TENM3: variants seen among roughly 807,000 people sequenced by gnomAD.
TENM3 encodes teneurin transmembrane protein 3.
A neutral mutation model predicts 255.1 loss-of-function variants in TENM3; 63 were observed. The observed-to-expected ratio is 0.25, with a 90% CI of 0.20 to 0.30. The LOEUF is 0.30. TENM3 is among the 10% of genes least tolerant of loss of function. TENM3 has a pLI of 1.00. For missense variants in TENM3, 2,929 were observed against 3,461.1 expected, an observed-to-expected ratio of 0.85 and a Z score of 3.86; for synonymous variants, 1,306 against 1,322.3, an observed-to-expected ratio of 0.99 and a Z score of 0.27.
chr4:182,602,607 T>C (rs1380229193), intron 4 of TENM3, among the ~76,000 whole-genome samples: 1 of 152,200 alleles, frequency 6.6e-6, no homozygotes, highest in African/African-American at 2.4e-5. Flanking sequence ...TTGAGTTTTA[T>C]TGTTTATTTT....
intron 8 of TENM3, 119 bp downstream of exon 8, chr4:182,679,995 A>G: frequency 1.1e-6 from 1 of 880,816 alleles, no homozygotes; most frequent in Non-Finnish European, 1.7e-6. Context: ...CCCAGGTAAA[A>G]TGTGAGAATT....
At chr4:182,089,839 G>A in the TENM3 span, among the ~76,000 whole-genome samples, 1 of 151,948 alleles carries the variant, frequency 6.6e-6, no homozygotes, top group Non-Finnish European at 1.5e-5. Context: ...CTAATTATTA[G>A]GAGATTTTAC....
At chr4:181,521,839 G>A in the TENM3 span, among the ~76,000 whole-genome samples, 2 of 152,220 alleles carry the variant, frequency 1.3e-5, no homozygotes, top group East Asian at 3.9e-4. Flanking sequence ...GCTCATGCCT[G>A]TAATCCCAGC....
the TENM3 span, among the ~76,000 whole-genome samples, chr4:181,936,404 A>C: frequency 6.6e-6 from 1 of 152,300 alleles, no homozygotes; most frequent in African/African-American, 2.4e-5. Context: ...AAAGAAAAGG[A>C]ATCAGATGTG....
the TENM3 span, among the ~76,000 whole-genome samples, chr4:181,872,340 G>T: frequency 0.2 from 31,022 of 151,470 alleles, 3,575 homozygotes; most frequent in East Asian, 0.56. Flanking sequence ...TTTATTTTAA[G>T]TTCAGGGGTA....
At chr4:181,702,993 T>A in the TENM3 span, among the ~76,000 whole-genome samples, 1 of 152,194 alleles carries the variant, frequency 6.6e-6, no homozygotes, top group African/African-American at 2.4e-5. Flanking sequence ...ACTCACTGAA[T>A]CCTTGCAACA....
chr4:182,779,711 C>A (rs1433789029), intron 24 of TENM3, among the ~76,000 whole-genome samples: 1 of 151,964 alleles, frequency 6.6e-6, no homozygotes, highest in East Asian at 1.9e-4. Flanking sequence ...CACATCCTCT[C>A]CAGCACCTGT....
At chr4:182,698,840 A>G (rs891966483) in intron 12 of TENM3, among the ~76,000 whole-genome samples, 2 of 152,238 alleles carry the variant, frequency 1.3e-5, no homozygotes, top group African/African-American at 4.8e-5. Flanking sequence ...TTTCTAGGAC[A>G]GGTGTGTTGT....
At chr4:181,617,949 CTGAAAGGTAATCTTTATTGAGTG>C in the TENM3 span, among the ~76,000 whole-genome samples, 1 of 152,182 alleles carries the variant, frequency 6.6e-6, no homozygotes, top group Admixed American at 6.5e-5. Context: ...CAGCCACAAG[CTGAAAGGTAATCTTTATTGAGTG>C]CACAGTATGG....
intron 4 of TENM3, among the ~76,000 whole-genome samples, chr4:182,626,940 C>G (rs1750873491): frequency 6.6e-6 from 1 of 151,954 alleles, no homozygotes; most frequent in South Asian, 2.1e-4. Flanking sequence ...AGAAAAAAAA[C>G]TGAGGTTCCC....
At position 182,731,704 on chromosome 4, in the gene TENM3, T is replaced by G. The variant is rs1029404534; in HGVS notation, c.2967+565T>G. 2.1e-4 allele frequency among the ~76,000 whole-genome samples: 16 copies of G among 75,296 alleles called. No individual in the cohort carries two copies. In the South Asian group the frequency reaches 2.1e-3, roughly 10 times the overall value. 49.4% of individuals were successfully genotyped at this position (75,296 alleles called of 152,430 possible). A position where few individuals can be genotyped will look rare whatever the true frequency, so the allele number is the denominator to read the frequency against. ...TATAGTGGGTGTTGGGGTGTGTGTG[T>G]GTGTGTGTGTGTGTGTGTGTGTGTG... On this transcript the variant is annotated intron_variant, in intron 16 of 27. Coordinates refer to ENST00000511685, the MANE Select transcript of TENM3 (RefSeq NM_001080477.4).
the TENM3 span, among the ~76,000 whole-genome samples, chr4:181,546,003 C>T: frequency 6.8e-4 from 104 of 152,288 alleles, no homozygotes; most frequent in African/African-American, 2.4e-3. Context: ...TTCACCATGT[C>T]TTGGAAACAT....
chr4:181,448,528 G>A, the TENM3 span, among the ~76,000 whole-genome samples: 2 of 152,094 alleles, frequency 1.3e-5, no homozygotes, highest in Non-Finnish European at 2.9e-5. Flanking sequence ...ATGTAAAATA[G>A]CTTTGGTTCA....
chr4:181,546,726 A>G, the TENM3 span, among the ~76,000 whole-genome samples: 1 of 130,454 alleles, frequency 7.7e-6, no homozygotes, highest in Non-Finnish European at 1.6e-5. Flanking sequence ...AAAAAAAAAA[A>G]AAAGAAGAAG....
chr4:182,589,561 G>T (rs1746389775), intron 3 of TENM3, among the ~76,000 whole-genome samples: 1 of 149,544 alleles, frequency 6.7e-6, no homozygotes. Flanking sequence ...TGTTTTGTCT[G>T]TAGACTGTAG....
At chr4:182,622,133 G>A (rs1750339364) in intron 4 of TENM3, among the ~76,000 whole-genome samples, 1 of 152,016 alleles carries the variant, frequency 6.6e-6, no homozygotes. Flanking sequence ...GGCCAAGGCG[G>A]GCAGATCACC....
intron 3 of TENM3, among the ~76,000 whole-genome samples, chr4:182,454,838 T>C (rs1472947055): frequency 2.6e-5 from 4 of 152,216 alleles, no homozygotes; most frequent in Non-Finnish European, 5.9e-5. Flanking sequence ...GTACAAGAGC[T>C]AACGTTTTTG....
chr4:181,768,006 C>A, the TENM3 span, among the ~76,000 whole-genome samples: 2 of 152,198 alleles, frequency 1.3e-5, no homozygotes, highest in African/African-American at 4.8e-5. Context: ...AATGTAAATG[C>A]AGAAGGCAAA....
At chr4:182,418,960 G>T (rs1386644817) in intron 3 of TENM3, among the ~76,000 whole-genome samples, 2 of 152,108 alleles carry the variant, frequency 1.3e-5, no homozygotes, top group African/African-American at 4.8e-5. Context: ...TCCGTCCTTA[G>T]GGTTATGAGT....
Sources: allele counts gnomAD v4.1 joint callset (sites outside exome capture counted in the v4.1 genomes callset), GRCh38; gene constraint gnomAD v4.1.1; transcripts MANE v1.5; gene names NCBI Gene and HGNC (gene_info 2026-07-23, HGNC 2026-07-21).